Variants in CARD8 observed in about 807,000 individuals in gnomAD.
CARD8 encodes the protein caspase recruitment domain-containing protein 8.
A neutral mutation model predicts 53.2 loss-of-function variants in CARD8; 38 were observed. The ratio of observed to expected loss-of-function variants is 0.71; its 90% confidence interval spans 0.55 to 0.94. The LOEUF (loss-of-function observed/expected upper bound fraction) is 0.94, where lower values mean the gene tolerates loss of function less well. Ranked by LOEUF, CARD8 falls within the 40% of genes least tolerant of loss-of-function variation. The pLI, the probability that CARD8 is intolerant of heterozygous loss-of-function variation, is 0.00. For synonymous variants in CARD8, 245 were observed against 244.9 expected, an observed-to-expected ratio of 1.00 and a Z score of 0.00; for missense variants, 561 against 655.5, an observed-to-expected ratio of 0.86 and a Z score of 1.57.
At chr19:48,224,013 G>C in intron 10 of CARD8, 1 of 405,196 alleles carries the variant, frequency 2.5e-6, no homozygotes, top group South Asian at 1.8e-5. Context: ...CCAGGCTGGA[G>C]TATAGTGGTG....
chr19:48,240,926 C>G (rs756393098), intron 4 of CARD8, 36 bp downstream of exon 4: 1 of 1,485,736 alleles, frequency 6.7e-7, no homozygotes, highest in Non-Finnish European at 9.1e-7. Flanking sequence ...GAAGAATCAG[C>G]CATCAGGAGC....
chr19:48,241,824 A>G lies in CARD8; in HGVS notation c.-43-761T>C, dbSNP rs150264231. On this transcript the variant is annotated intron_variant, in intron 3 of 13. Coordinates refer to ENST00000651546, the MANE Select transcript of CARD8 (RefSeq NM_001184900.3). ...ATTTTTTAAAGATTAGATTTTTAAA[A>G]TAATGGCTTTATGGATATATAGTTC... 3.1e-4 allele frequency among the ~76,000 whole-genome samples: 47 copies of G among 152,360 alleles called. No homozygotes were observed. In the East Asian group the frequency reaches 9.1e-3, roughly 29 times the overall value.
chr19:48,250,913 T>C (rs2046858468), intron 1 of CARD8, among the ~76,000 whole-genome samples: 1 of 152,158 alleles, frequency 6.6e-6, no homozygotes, highest in South Asian at 2.1e-4. Context: ...TAAGGGGAAA[T>C]ACAAATTAAG....
downstream of CARD8, among the ~76,000 whole-genome samples, chr19:48,204,509 G>T (rs955122604): frequency 1.3e-5 from 2 of 152,016 alleles, no homozygotes; most frequent in Non-Finnish European, 2.9e-5. Flanking sequence ...AGTAGGATCC[G>T]CCCGCCTCAG....
intron 4 of CARD8, among the ~76,000 whole-genome samples, chr19:48,240,008 T>C (rs1228559951): frequency 2.0e-5 from 3 of 152,146 alleles, no homozygotes; most frequent in Non-Finnish European, 1.5e-5. Context: ...GCTACCTTTA[T>C]CACCTGACAC....
At position 48,221,741 on chromosome 19, in the gene CARD8, C is replaced by T; in HGVS notation, c.1150G>A (p.Val384Ile). ...TGAATTCTACTAACCTTGGGCATTACTTTCAGGTTAGCAGAATTAGACACA... is the reference window on the plus strand; with the variant it reads ...TGAATTCTACTAACCTTGGGCATTATTTTCAGGTTAGCAGAATTAGACACA... ...YIVSNSANLK[V>I]MPKELKLSYR... Residue 384 changes from valine to isoleucine, a missense_variant, in exon 11 of 14, where the codon GTA (valine) becomes ATA (isoleucine). Transcript: ENST00000651546. 1 of 1,593,774 alleles carries T rather than the reference C, an allele frequency of 6.3e-7. No homozygotes were observed. Among genetic ancestry groups the T allele is most frequent in the Non-Finnish European group, 8.6e-7 (1 of 1,166,298 alleles).
chr19:48,246,471 G>T (rs921881795), intron 3 of CARD8, among the ~76,000 whole-genome samples: 4 of 152,114 alleles, frequency 2.6e-5, no homozygotes, highest in Non-Finnish European at 4.4e-5. Flanking sequence ...ATCTCTCTCA[G>T]TGGAAAGACC....
intron 3 of CARD8, among the ~76,000 whole-genome samples, chr19:48,246,847 T>G (rs1009722681): frequency 2.0e-5 from 3 of 152,232 alleles, no homozygotes; most frequent in Non-Finnish European, 4.4e-5. Flanking sequence ...CTGATATTGC[T>G]GATGGGAGTG....
intron 7 of CARD8, 27 bp from the exon 8 acceptor site, chr19:48,231,837 G>A: frequency 6.2e-7 from 1 of 1,611,404 alleles, no homozygotes. Context: ...AGACATGTAA[G>A]AGGTAAAGGG....
intron 3 of CARD8, among the ~76,000 whole-genome samples, chr19:48,241,599 A>C (rs2045115399): frequency 6.6e-6 from 1 of 152,112 alleles, no homozygotes; most frequent in African/African-American, 2.4e-5. Context: ...CTGGGTCTGC[A>C]AGTTAAGTTA....
At chr19:48,220,036 T>G (rs574564583) in intron 11 of CARD8, among the ~76,000 whole-genome samples, 1 of 152,324 alleles carries the variant, frequency 6.6e-6, no homozygotes, top group African/African-American at 2.4e-5. Flanking sequence ...TGTTGTATCA[T>G]TCTGGATGAA....
chr19:48,214,104 C>T (rs1324462777), intron 13 of CARD8, among the ~76,000 whole-genome samples: 1 of 152,228 alleles, frequency 6.6e-6, no homozygotes, highest in Non-Finnish European at 1.5e-5. Context: ...ATGATGTCCT[C>T]ACGCCCTTCT....
rs116320756 is a variant in CARD8 at position 48,251,551 on chromosome 19, C to A, written c.-251-1704G>T. The stretch of plus-strand genomic sequence containing the variant: ...CACCATTTCTGGTCCTGGATATTTG[C>A]AAGACTGTTGTCAAACTAGGCCATA... On this transcript the variant is annotated intron_variant, in intron 1 of 13. Transcript: ENST00000651546. 2.0e-3 allele frequency among the ~76,000 whole-genome samples: 312 copies of A among 152,288 alleles called. 1 individual carries two copies. The highest frequency in any genetic ancestry group is 6.9e-3 in the African/African-American group (286 of 41,548).
At chr19:48,238,912 A>G (rs2044422698) in intron 4 of CARD8, among the ~76,000 whole-genome samples, 1 of 152,214 alleles carries the variant, frequency 6.6e-6, no homozygotes, top group Non-Finnish European at 1.5e-5. Context: ...TGCTGTTACC[A>G]CTTCGTAGAC....
chr19:48,231,760 C>CTT lies in CARD8; in HGVS notation c.440_441dup (p.Val148LysfsTer26), dbSNP rs140826611. 86,849 of 1,613,752 alleles carry CTT rather than the reference C, an allele frequency of 0.054. 2,596 individuals carry two copies. The highest frequency in any genetic ancestry group is 0.094 in the East Asian group (4,232 of 44,868). ...TAATCTTCTTCGATCTCAAAACAGA[C>CTT]TTTAGAAGCATAAGAGGAAACTATT... On this transcript the variant is annotated frameshift_variant, in exon 8 of 14. Coordinates refer to ENST00000651546, the MANE Select transcript of CARD8 (RefSeq NM_001184900.3). LOFTEE classifies it high-confidence loss of function.
At chr19:48,220,925 A>G (rs1397105589) in intron 11 of CARD8, among the ~76,000 whole-genome samples, 1 of 91,278 alleles carries the variant, frequency 1.1e-5, no homozygotes, top group Non-Finnish European at 2.2e-5. Flanking sequence ...GAAGGAAAGA[A>G]AGAGAGAAAG....
At chr19:48,214,353 G>GA (rs1404418286) in intron 13 of CARD8, among the ~76,000 whole-genome samples, 1 of 152,196 alleles carries the variant, frequency 6.6e-6, no homozygotes, top group Non-Finnish European at 1.5e-5. Flanking sequence ...CGGCACCAGG[G>GA]AAAGGCCGTC....
At chr19:48,226,151 A>G (rs1453971245) in intron 10 of CARD8, among the ~76,000 whole-genome samples, 3 of 152,028 alleles carry the variant, frequency 2.0e-5, no homozygotes, top group Non-Finnish European at 4.4e-5. Flanking sequence ...ATCTTTGGCC[A>G]AAGTGTGATG....
At position 48,211,005 on chromosome 19, in the gene CARD8, T is replaced by C; in HGVS notation, c.*705A>G. On this transcript the variant is annotated 3_prime_UTR_variant, in exon 14 of 14. Coordinates refer to ENST00000651546, the MANE Select transcript of CARD8 (RefSeq NM_001184900.3). The stretch of plus-strand genomic sequence containing the variant: ...ATTACCCTCATTTTCTTTTTGGTGG[T>C]TCTGTGGAGTTGATTTACCACATTT... 6.6e-6 allele frequency: 1 copy of C among 152,368 alleles called. No individual in the cohort carries two copies. The highest frequency in any genetic ancestry group is 1.5e-5 in the Non-Finnish European group (1 of 68,044). The allele number at this position is 152,368 out of a possible 1,614,324, so 9.4% of individuals were successfully genotyped here. A position where few individuals can be genotyped will look rare whatever the true frequency, so the allele number is the denominator to read the frequency against.
Sources: gnomAD v4.1 joint callset for allele counts (sites outside exome capture counted in the v4.1 genomes callset) on GRCh38, gnomAD v4.1.1 for gene constraint, MANE v1.5 for transcripts, NCBI Gene and HGNC (gene_info 2026-07-23, HGNC 2026-07-21) for gene names.